The following CUX1 variants were observed in gnomAD, a reference collection of about 807,000 sequenced individuals.
The protein encoded by CUX1 is cut like homeobox 1.
CUX1 carries 31 observed loss-of-function variants against 158.8 expected under a neutral mutation model. The observed-to-expected ratio is 0.20, with a 90% CI of 0.15 to 0.26. The LOEUF (loss-of-function observed/expected upper bound fraction) is 0.26, where lower values mean the gene tolerates loss of function less well. Among genes scored for constraint, CUX1 ranks in the 10% least tolerant of loss-of-function variants. The probability of loss-of-function intolerance (pLI) is 1.00; values close to 1 mark genes in which losing one functional copy is unlikely to be tolerated. For missense variants in CUX1, 1,589 were observed against 2,014.6 expected (o/e 0.79, Z 4.04); for synonymous variants, 879 against 862.1 (o/e 1.02, Z -0.34).
At chr7:102,274,353 A>T (rs782016298) in intron 16 of CUX1, 1 of 1,554,506 alleles carries the variant, frequency 6.4e-7, no homozygotes, top group South Asian at 1.1e-5. Flanking sequence ...GGAGGAGGGA[A>T]GAGGAGACAG....
chr7:102,129,862 T>TG (rs1367107085), intron 8 of CUX1, among the ~76,000 whole-genome samples: 1 of 152,104 alleles, frequency 6.6e-6, no homozygotes, highest in African/African-American at 2.4e-5. Flanking sequence ...TTGGAAAATT[T>TG]GGGGCACCGT....
intron 3 of CUX1, among the ~76,000 whole-genome samples, chr7:102,063,834 G>C (rs771576971): frequency 6.6e-6 from 1 of 152,168 alleles, no homozygotes; most frequent in Admixed American, 6.5e-5. Flanking sequence ...GCCCGTGGTC[G>C]GGAGGAAAAA....
At chr7:102,143,707 T>C (rs1398853668) in intron 8 of CUX1, among the ~76,000 whole-genome samples, 2 of 152,370 alleles carry the variant, frequency 1.3e-5, no homozygotes, top group African/African-American at 4.8e-5. Context: ...TCCGGGAAGG[T>C]AACTGTCTTG....
chr7:101,975,533 G>T (rs1812559091), intron 2 of CUX1, among the ~76,000 whole-genome samples: 2 of 152,070 alleles, frequency 1.3e-5, no homozygotes, highest in African/African-American at 4.8e-5. Context: ...TCCAACCTGG[G>T]TGACAGAACG....
At chr7:101,825,400 C>T (rs62463717) in intron 1 of CUX1, among the ~76,000 whole-genome samples, 2,706 of 152,316 alleles carry the variant, frequency 0.018, 33 homozygotes, top group Middle Eastern at 0.068. Flanking sequence ...CAGGTTTCTG[C>T]TCCATGGGAT....
intron 1 of CUX1, among the ~76,000 whole-genome samples, chr7:101,825,798 T>C (rs1388356066): frequency 0.011 from 883 of 78,378 alleles, 7 homozygotes; most frequent in African/African-American, 0.027. Context: ...TGTGTGTGTG[T>C]GCGCGCGCGC....
At chr7:101,956,138 C>CAAAAAAAAA (rs11462111) in intron 2 of CUX1, among the ~76,000 whole-genome samples, 1 of 64,978 alleles carries the variant, frequency 1.5e-5, no homozygotes, top group Non-Finnish European at 2.7e-5. Context: ...GCCCACGTCT[C>CAAAAAAAAA]AAAAAAAAAA....
chr7:102,210,455 C>T (rs2091290581), intron 20 of CUX1, among the ~76,000 whole-genome samples: 1 of 152,112 alleles, frequency 6.6e-6, no homozygotes, highest in African/African-American at 2.4e-5. Flanking sequence ...CAGGGCTGGT[C>T]TCAAACTCCT....
chr7:102,165,130 C>T (rs145471663), intron 9 of CUX1, among the ~76,000 whole-genome samples: 1 of 152,222 alleles, frequency 6.6e-6, no homozygotes, highest in Non-Finnish European at 1.5e-5. Context: ...GGCCATGTCG[C>T]ACATGAGACC....
At chr7:102,038,271 TG>T (rs1486696902) in intron 3 of CUX1, among the ~76,000 whole-genome samples, 1 of 152,160 alleles carries the variant, frequency 6.6e-6, no homozygotes, top group Non-Finnish European at 1.5e-5. Context: ...CCGTTGTATG[TG>T]GGGTAACCTT....
rs1302000586 is a variant in CUX1, at chr7:102,254,939, A to G, written c.*5897A>G. The G allele has an allele frequency of 2.0e-6, 2 of 985,350 alleles. No individual in the cohort carries two copies. Among genetic ancestry groups the G allele is most frequent in the East Asian group, 2.3e-4 (2 of 8,828 alleles). The allele number at this position is 985,350 out of a possible 1,614,324, so 61.0% of individuals were successfully genotyped here. ...AAAAGGGGAAGCAGGTACCCAATAA[A>G]GTTTAGAAAGATCCAGTCTGTGAAA... On this transcript the variant is annotated 3_prime_UTR_variant, in exon 24 of 24. Transcript: ENST00000292535.
At chr7:101,998,809 G>A (rs111904326) in intron 2 of CUX1, among the ~76,000 whole-genome samples, 9 of 152,286 alleles carry the variant, frequency 5.9e-5, no homozygotes, top group African/African-American at 1.9e-4. Context: ...CCCTCTAAAC[G>A]TCAGTGTCCA....
chr7:102,208,640 G>A (rs1433230474), intron 20 of CUX1, among the ~76,000 whole-genome samples: 2 of 152,204 alleles, frequency 1.3e-5, no homozygotes, highest in South Asian at 2.1e-4. Flanking sequence ...TTCCTTGACT[G>A]TGTCTCTGTG....
At position 102,178,471 on chromosome 7, in the gene CUX1, G is replaced by T; in HGVS notation, c.831G>T (p.Glu277Asp). 6.3e-7 allele frequency: 1 copy of T among 1,592,208 alleles called. No homozygotes were observed. Among genetic ancestry groups the T allele is most frequent in the Non-Finnish European group, 8.6e-7 (1 of 1,163,074 alleles). ...ASQIQKAPDV[E>D]QAIEVLTRSS... ...GTCATCTCTTTTCTCCTCCCCAGGA[G>T]CAGGCCATAGAGGTGCTGACCCGCT... is the stretch of plus-strand genomic sequence containing the variant. The change falls in exon 11 of 24, where the codon GAG (glutamate) becomes GAT (aspartate). Residue 277 changes from glutamate (E) to aspartate (D), a missense_variant and splice_region_variant. Physicochemically the swap from Glu to Asp is conservative, Grantham distance 45. Transcript: ENST00000292535.
At chr7:102,139,194 G>A (rs552862671) in intron 8 of CUX1, among the ~76,000 whole-genome samples, 17 of 146,004 alleles carry the variant, frequency 1.2e-4, no homozygotes, top group African/African-American at 3.1e-4. Context: ...GCAGTGAGCC[G>A]AGATCGTGCT....
chr7:101,833,585 A>G (rs940116493), intron 1 of CUX1, among the ~76,000 whole-genome samples: 1 of 150,828 alleles, frequency 6.6e-6, no homozygotes, highest in Non-Finnish European at 1.5e-5. Context: ...AAAAAAAAAA[A>G]AGAATCCAAA....
intron 8 of CUX1, among the ~76,000 whole-genome samples, chr7:102,123,076 C>T (rs1832223639): frequency 6.6e-6 from 1 of 151,936 alleles, no homozygotes; most frequent in Non-Finnish European, 1.5e-5. Context: ...ACTAAAAATA[C>T]AAAAATTAGC....
intron 2 of CUX1, among the ~76,000 whole-genome samples, chr7:101,973,390 C>A (rs372262909): frequency 6.6e-6 from 1 of 152,156 alleles, no homozygotes; most frequent in Non-Finnish European, 1.5e-5. Flanking sequence ...ACCACTGCCC[C>A]CCAGCCCTCC....
At chr7:102,025,109 C>G in intron 2 of CUX1, among the ~76,000 whole-genome samples, 1 of 152,170 alleles carries the variant, frequency 6.6e-6, no homozygotes, top group East Asian at 1.9e-4. Context: ...TCTCCTCTGA[C>G]TCTGAGCCTC....
Sources: allele counts gnomAD v4.1 joint callset (sites outside exome capture counted in the v4.1 genomes callset), GRCh38; gene constraint gnomAD v4.1.1; transcripts MANE v1.5; gene names NCBI Gene and HGNC (gene_info 2026-07-23, HGNC 2026-07-21).